Variants in SLC4A4 observed in about 807,000 individuals in gnomAD.
The protein encoded by SLC4A4 is solute carrier family 4 member 4, also known as electrogenic sodium bicarbonate cotransporter 1.
SLC4A4 carries 27 observed loss-of-function variants against 111.5 expected under a neutral mutation model. The ratio of observed to expected loss-of-function variants is 0.24; its 90% CI spans 0.18 to 0.33. The LOEUF is 0.33. Ranked by LOEUF, SLC4A4 falls within the 10% of genes least tolerant of loss-of-function variation. The probability of loss-of-function intolerance (pLI) is 1.00; values close to 1 mark genes in which losing one functional copy is unlikely to be tolerated. For missense variants in SLC4A4, 909 were observed against 1,315.5 expected (o/e 0.69, Z 4.78); for synonymous variants, 443 against 463.4 (o/e 0.96, Z 0.57).
chr4:71,393,621 A>G lies in SLC4A4; in HGVS notation c.731-3956A>G, dbSNP rs116667579. Among the ~76,000 whole-genome samples, 1,338 of 152,236 alleles carry G rather than the reference A, an allele frequency of 8.8e-3. 3 individuals carry two copies. The highest frequency in any genetic ancestry group is 0.015 in the Non-Finnish European group (989 of 67,986). The stretch of plus-strand genomic sequence containing the variant: ...AATCTACAAATTTAACACAAACTCT[A>G]TCAAAATACCACCATAATTCTTCAC... On this transcript the variant is annotated intron_variant, in intron 6 of 25. Coordinates refer to ENST00000264485, the MANE Select transcript of SLC4A4 (RefSeq NM_001098484.3).
chr4:71,360,813 A>G (rs1730708083), intron 6 of SLC4A4, among the ~76,000 whole-genome samples: 1 of 152,160 alleles, frequency 6.6e-6, no homozygotes, highest in African/African-American at 2.4e-5. Flanking sequence ...TGTGCTACAT[A>G]TTGTTGTAGG....
intron 2 of SLC4A4, among the ~76,000 whole-genome samples, chr4:71,142,580 T>TCAGGTATC (rs1299584358): frequency 6.6e-6 from 1 of 152,134 alleles, no homozygotes; most frequent in Non-Finnish European, 1.5e-5. Context: ...GTTATCAATG[T>TCAGGTATC]CAGGTATCCA....
chr4:71,439,692 AC>A (rs1724539931), intron 7 of SLC4A4, among the ~76,000 whole-genome samples: 1 of 149,746 alleles, frequency 6.7e-6, no homozygotes, highest in Non-Finnish European at 1.5e-5. Context: ...GTGACCCAGG[AC>A]TTAACTCTTA....
intron 2 of SLC4A4, among the ~76,000 whole-genome samples, chr4:71,102,382 C>G (rs1404862852): frequency 4.0e-5 from 6 of 150,430 alleles, no homozygotes; most frequent in African/African-American, 1.5e-4. Context: ...CCCAATCTAG[C>G]AAGGCAGGCC....
chr4:71,423,867 A>C (rs1450398029), intron 7 of SLC4A4, among the ~76,000 whole-genome samples: 2 of 152,250 alleles, frequency 1.3e-5, no homozygotes, highest in Non-Finnish European at 2.9e-5. Context: ...CTTAAACATT[A>C]GACCTAAAAC....
At chr4:71,236,190 G>C (rs1719791368) in intron 1 of SLC4A4, 1 of 1,055,606 alleles carries the variant, frequency 9.5e-7, no homozygotes, top group Non-Finnish European at 1.1e-6. Context: ...TTCCACAAAC[G>C]ATCATCACGA....
intron 2 of SLC4A4, among the ~76,000 whole-genome samples, chr4:71,140,112 C>A (rs150234559): frequency 9.9e-4 from 151 of 152,172 alleles, no homozygotes; most frequent in African/African-American, 3.5e-3. Flanking sequence ...ACATAGCATC[C>A]AATGGGAATA....
chr4:71,331,729 G>GA (rs199726678), intron 3 of SLC4A4, among the ~76,000 whole-genome samples: 13,795 of 120,070 alleles, frequency 0.11, 956 homozygotes, highest in Admixed American at 0.26. Flanking sequence ...TTAAAGTATT[G>GA]AAAAAAAAAA....
intron 6 of SLC4A4, among the ~76,000 whole-genome samples, chr4:71,360,033 T>C (rs933880125): frequency 6.6e-6 from 1 of 152,192 alleles, no homozygotes; most frequent in Non-Finnish European, 1.5e-5. Context: ...TGCAAGCTGG[T>C]TGTTAAATAC....
chr4:71,497,745 T>C, intron 16 of SLC4A4, 53 bp downstream of exon 16: 1 of 1,459,470 alleles, frequency 6.9e-7, no homozygotes, highest in South Asian at 1.1e-5. Context: ...GTATCAACAA[T>C]AATACAACTT....
intron 2 of SLC4A4, among the ~76,000 whole-genome samples, chr4:71,254,131 G>T (rs1012348153): frequency 6.6e-6 from 1 of 152,090 alleles, no homozygotes; most frequent in Non-Finnish European, 1.5e-5. Context: ...TGTCATCAAG[G>T]AATAATTCCG....
At chr4:71,441,609 T>C (rs1170671242) in intron 8 of SLC4A4, among the ~76,000 whole-genome samples, 1 of 152,036 alleles carries the variant, frequency 6.6e-6, no homozygotes, top group Non-Finnish European at 1.5e-5. Context: ...CTATGAATCC[T>C]CCTCAGTGAT....
intron 15 of SLC4A4, among the ~76,000 whole-genome samples, chr4:71,489,770 A>G (rs1463065566): frequency 6.6e-6 from 1 of 151,670 alleles, no homozygotes; most frequent in Non-Finnish European, 1.5e-5. Context: ...AGCCATAATT[A>G]GATTGTGAGA....
At chr4:71,280,876 A>AT (rs1359591563) in intron 3 of SLC4A4, among the ~76,000 whole-genome samples, 1 of 152,136 alleles carries the variant, frequency 6.6e-6, no homozygotes, top group Non-Finnish European at 1.5e-5. Context: ...TTTAACATTT[A>AT]TTTTTCACCT....
chr4:71,320,906 T>G (rs1727067684), intron 3 of SLC4A4, among the ~76,000 whole-genome samples: 1 of 152,052 alleles, frequency 6.6e-6, no homozygotes, highest in South Asian at 2.1e-4. Flanking sequence ...AATCAATCTC[T>G]TTTGAAATGG....
intron 2 of SLC4A4, among the ~76,000 whole-genome samples, chr4:71,244,182 G>GT (rs1720462957): frequency 6.6e-6 from 1 of 152,188 alleles, no homozygotes; most frequent in Admixed American, 6.5e-5. Flanking sequence ...AATTAAATTA[G>GT]TATCTGATTA....
intron 1 of SLC4A4, among the ~76,000 whole-genome samples, chr4:71,188,417 C>G (rs959335933): frequency 1.3e-5 from 2 of 152,176 alleles, no homozygotes; most frequent in African/African-American, 4.8e-5. Flanking sequence ...ACCCCTTTGG[C>G]TTACCCTCCC....
At chr4:71,275,521 C>A (rs1026448608) in intron 3 of SLC4A4, among the ~76,000 whole-genome samples, 3 of 152,192 alleles carry the variant, frequency 2.0e-5, no homozygotes, top group African/African-American at 7.2e-5. Flanking sequence ...ATAACTGGTT[C>A]TTTGCCTTTC....
chr4:71,186,508 G>A (rs1044743594), upstream of SLC4A4, among the ~76,000 whole-genome samples: 1 of 152,158 alleles, frequency 6.6e-6, no homozygotes, highest in Admixed American at 6.5e-5. Context: ...TGAGAGAAAA[G>A]GAACCTGGGA....
Sources: allele counts gnomAD v4.1 joint callset (sites outside exome capture counted in the v4.1 genomes callset), GRCh38; gene constraint gnomAD v4.1.1; transcripts MANE v1.5; gene names NCBI Gene and HGNC (gene_info 2026-07-23, HGNC 2026-07-21).